Variants in SDK1 observed in about 807,000 individuals in gnomAD.
SDK1 encodes the protein sidekick cell adhesion molecule 1.
In SDK1, 157 loss-of-function variants were observed where a neutral mutation model predicts 245.5. The observed-to-expected ratio is 0.64, with a 90% confidence interval of 0.56 to 0.73. SDK1 has a LOEUF of 0.73. SDK1 is among the 30% of genes least tolerant of loss of function. The pLI is 0.00. For synonymous variants in SDK1, 1,647 were observed against 1,278.5 expected (o/e 1.29, Z -6.15); for missense variants, 3,583 against 3,002.3 (o/e 1.19, Z -4.52).
intron 1 of SDK1, among the ~76,000 whole-genome samples, chr7:3,485,935 AC>A (rs1241337312): frequency 6.7e-6 from 1 of 149,358 alleles, no homozygotes; most frequent in Non-Finnish European, 1.5e-5. Context: ...GATTTGAAAA[AC>A]TCTTCATTAA....
At chr7:4,194,530 C>G (rs980866021) in intron 35 of SDK1, among the ~76,000 whole-genome samples, 4 of 151,808 alleles carry the variant, frequency 2.6e-5, no homozygotes, top group African/African-American at 9.7e-5. Context: ...ATCATAAGGT[C>G]CCACAATAGG....
Position 3,971,450 on chromosome 7 carries a change from C to A in SDK1, c.1715-16C>A. 6.3e-7 allele frequency: 1 copy of A among 1,582,562 alleles called. No individual in the cohort carries two copies. ...ACTTGTCATTTCGTCTGACTCGTGA[C>A]TTGTGTTTTTTTCAGATCGGACGTC... On this transcript the variant is annotated splice_polypyrimidine_tract_variant and intron_variant, in intron 11 of 44. Transcript: ENST00000404826.
chr7:4,148,832 C>A (rs571406139), intron 29 of SDK1, among the ~76,000 whole-genome samples: 2 of 152,128 alleles, frequency 1.3e-5, no homozygotes, highest in Non-Finnish European at 2.9e-5. Context: ...CCGAGGCAGG[C>A]GGATCACGAG....
At chr7:4,207,283 T>C (rs956640410) in intron 36 of SDK1, among the ~76,000 whole-genome samples, 2 of 152,200 alleles carry the variant, frequency 1.3e-5, no homozygotes, top group African/African-American at 4.8e-5. Flanking sequence ...AGCCTGGCCC[T>C]GGTTTAGACC....
Position 3,931,556 on chromosome 7 carries a change from G to A in SDK1, c.848-19367G>A, listed in dbSNP as rs192237799. ...ACCAAGTCCCTCCTTTGTTCTGGAA[G>A]AATAATTTTGCGGGAAATCCTTGCT... On this transcript the variant is annotated intron_variant, in intron 5 of 44. Transcript: ENST00000404826. Among the ~76,000 whole-genome samples the A allele has an allele frequency of 2.6e-5, 4 of 152,296 alleles. No homozygotes were observed. In the East Asian group the frequency reaches 7.7e-4, roughly 29 times the overall value.
chr7:3,927,136 G>C (rs954172878), intron 5 of SDK1, among the ~76,000 whole-genome samples: 2 of 149,972 alleles, frequency 1.3e-5, no homozygotes, highest in African/African-American at 4.9e-5. Context: ...GGATTTGGGC[G>C]GCCCAGAAAT....
intron 1 of SDK1, among the ~76,000 whole-genome samples, chr7:3,427,293 C>T (rs531316043): frequency 3.3e-5 from 5 of 152,186 alleles, no homozygotes; most frequent in South Asian, 2.1e-4. Context: ...CCGAGACAGA[C>T]GGATTGCCTG....
At chr7:3,652,559 C>G (rs571414120) in intron 4 of SDK1, among the ~76,000 whole-genome samples, 5 of 152,152 alleles carry the variant, frequency 3.3e-5, no homozygotes, top group Non-Finnish European at 5.9e-5. Context: ...TTTATTTTCT[C>G]TATGAATATG....
intron 4 of SDK1, among the ~76,000 whole-genome samples, chr7:3,666,620 ACT>A (rs901506688): frequency 1.3e-5 from 2 of 151,904 alleles, no homozygotes; most frequent in Non-Finnish European, 2.9e-5. Context: ...GAGGACAGAC[ACT>A]CTGTATCTCA....
At chr7:3,852,458 T>G (rs760222365) in intron 5 of SDK1, among the ~76,000 whole-genome samples, 2 of 151,616 alleles carry the variant, frequency 1.3e-5, no homozygotes, top group East Asian at 1.9e-4. Flanking sequence ...ATTTAAAAGT[T>G]TTTTTTTGGC....
intron 1 of SDK1, among the ~76,000 whole-genome samples, chr7:3,410,180 C>A (rs930707848): frequency 6.6e-6 from 1 of 152,138 alleles, no homozygotes; most frequent in Non-Finnish European, 1.5e-5. Context: ...GGTTGAACAT[C>A]CCTAATCTGA....
intron 4 of SDK1, among the ~76,000 whole-genome samples, chr7:3,654,548 TC>T (rs2128657020): frequency 6.6e-6 from 1 of 152,324 alleles, no homozygotes; most frequent in African/African-American, 2.4e-5. Context: ...AAGTTTGACA[TC>T]TACACCATCA....
chr7:4,218,543 G>T (rs1784964741), intron 38 of SDK1, among the ~76,000 whole-genome samples: 1 of 152,236 alleles, frequency 6.6e-6, no homozygotes. Flanking sequence ...TGCTTTGATG[G>T]CTTTGAAAGA....
At chr7:3,556,447 C>G (rs1779590329) in intron 1 of SDK1, among the ~76,000 whole-genome samples, 1 of 151,624 alleles carries the variant, frequency 6.6e-6, no homozygotes, top group South Asian at 2.1e-4. Context: ...TTAATGGGTA[C>G]AAAAATATAG....
chr7:4,233,517 G>A, intron 41 of SDK1, 98 bp downstream of exon 41: 1 of 1,201,616 alleles, frequency 8.3e-7, no homozygotes, highest in Non-Finnish European at 1.2e-6. Flanking sequence ...CTGAAGGGTG[G>A]GAGGGAGAAA....
At chr7:3,473,243 C>T (rs1781239681) in intron 1 of SDK1, among the ~76,000 whole-genome samples, 1 of 152,162 alleles carries the variant, frequency 6.6e-6, no homozygotes, top group Non-Finnish European at 1.5e-5. Flanking sequence ...CTACTCCAAG[C>T]CTTTCACTGT....
intron 22 of SDK1, among the ~76,000 whole-genome samples, chr7:4,093,654 G>C (rs9639699): frequency 6.6e-6 from 1 of 152,326 alleles, no homozygotes; most frequent in Admixed American, 6.5e-5. Flanking sequence ...AGGACGCTTA[G>C]AGACGCCGAG....
At chr7:4,073,667 C>T (rs1427895280) in intron 20 of SDK1, among the ~76,000 whole-genome samples, 1 of 152,202 alleles carries the variant, frequency 6.6e-6, no homozygotes, top group African/African-American at 2.4e-5. Flanking sequence ...AGCGATTGAC[C>T]AGGTGTGACC....
At chr7:3,410,001 T>A (rs890593720) in intron 1 of SDK1, among the ~76,000 whole-genome samples, 2 of 152,154 alleles carry the variant, frequency 1.3e-5, no homozygotes, top group African/African-American at 4.8e-5. Flanking sequence ...CTGTCTGTGC[T>A]TCAATGTCCT....
Sources: allele counts gnomAD v4.1 joint callset (sites outside exome capture counted in the v4.1 genomes callset), GRCh38; gene constraint gnomAD v4.1.1; transcripts MANE v1.5; gene names NCBI Gene and HGNC (gene_info 2026-07-23, HGNC 2026-07-21).